Variants in CCDC146 observed in about 807,000 individuals in gnomAD.
CCDC146 encodes coiled-coil domain-containing protein 146.
Under a neutral mutation model 119.3 loss-of-function variants are expected in CCDC146, and 92 were observed. The observed-to-expected ratio is 0.77, with a 90% CI of 0.65 to 0.92. The LOEUF is 0.92. CCDC146 is among the 40% of genes least tolerant of loss of function. CCDC146 has a pLI of 0.00. For synonymous variants in CCDC146, 372 were observed against 371.8 expected (o/e 1.00, Z -0.01); for missense variants, 1,000 against 1,103.0 (o/e 0.91, Z 1.32).
At position 77,260,080 on chromosome 7, in the gene CCDC146, A is replaced by G; in HGVS notation, c.830A>G (p.Glu277Gly). ...CTAAATGACTCCCTAAAGAAAGTTG[A>G]AAACAAGGTTAGTGCTATAGTGGAT... ...KTLNDSLKKV[E>G]NKVSAIVDEK... The change falls in exon 8 of 19, where the codon GAA becomes GGA. Residue 277 changes from glutamate to glycine, a missense_variant. Physicochemically the swap from Glu to Gly is moderately conservative, Grantham distance 98. Coordinates refer to ENST00000285871, the MANE Select transcript of CCDC146 (RefSeq NM_020879.3). The G allele has an allele frequency of 1.9e-6, 3 of 1,613,954 alleles. No homozygotes were observed. The highest frequency in any genetic ancestry group is 1.7e-6 in the Non-Finnish European group (2 of 1,179,980).
At chr7:77,125,835 T>A (rs1017430130) in intron 1 of CCDC146, among the ~76,000 whole-genome samples, 3 of 152,154 alleles carry the variant, frequency 2.0e-5, no homozygotes, top group African/African-American at 7.2e-5. Context: ...AACTCAACAA[T>A]CTTAACTAAT....
At position 77,231,659 on chromosome 7, in the gene CCDC146, A is replaced by C. The variant is rs376364108; in HGVS notation, c.157-5288A>C. ...TGTAGCTCCTTAAAAATTTCTTCTT[A>C]CTGACAATCTCTATTTGATGCATTG... On this transcript the variant is annotated intron_variant, in intron 2 of 18. Transcript: ENST00000285871. Among the ~76,000 whole-genome samples the C allele has an allele frequency of 1.8e-4, 27 of 152,140 alleles. No homozygotes were observed. In the East Asian group the frequency reaches 4.8e-3, roughly 27 times the overall value.
At position 77,234,105 on chromosome 7, in the gene CCDC146, A is replaced by G. The variant is rs187105859; in HGVS notation, c.157-2842A>G. On this transcript the variant is annotated intron_variant, in intron 2 of 18. Transcript: ENST00000285871. The stretch of plus-strand genomic sequence containing the variant: ...TTACCTTACCCAGTAGTTTACCTTC[A>G]GAAAATGGCTGGTTAGCTAGTTACT... Among the ~76,000 whole-genome samples, 37 of 152,320 alleles carry G rather than the reference A, an allele frequency of 2.4e-4. 1 individual carries two copies. Among genetic ancestry groups the G allele is most frequent in the African/African-American group, 8.7e-4 (36 of 41,552 alleles).
chr7:77,268,260 T>C (rs528654812), intron 9 of CCDC146, among the ~76,000 whole-genome samples: 9 of 152,230 alleles, frequency 5.9e-5, no homozygotes, highest in Admixed American at 1.3e-4. Context: ...GTTCATGTTT[T>C]TGTCTATGTT....
At chr7:77,163,949 T>C (rs71559495) in intron 1 of CCDC146, among the ~76,000 whole-genome samples, 2 of 149,030 alleles carry the variant, frequency 1.3e-5, no homozygotes, top group Non-Finnish European at 3.0e-5. Context: ...AACCTCCACC[T>C]GCGGGGTTCA....
chr7:77,242,242 T>C (rs1792864092), intron 4 of CCDC146: 2 of 389,584 alleles, frequency 5.1e-6, no homozygotes, highest in Non-Finnish European at 8.2e-6. Flanking sequence ...CCCATGACTA[T>C]AGCAGTACCA....
intron 6 of CCDC146, 93 bp downstream of exon 6, chr7:77,256,602 G>A: frequency 3.0e-6 from 3 of 1,005,426 alleles, no homozygotes; most frequent in Non-Finnish European, 4.5e-6. Flanking sequence ...TGGATAAAGA[G>A]GGGTATTGTC....
At chr7:77,130,721 C>T (rs1420649583) in intron 1 of CCDC146, among the ~76,000 whole-genome samples, 1 of 149,410 alleles carries the variant, frequency 6.7e-6, no homozygotes, top group Non-Finnish European at 1.5e-5. Flanking sequence ...GCCTCAGCCT[C>T]CCGTGTAGCT....
intron 4 of CCDC146, among the ~76,000 whole-genome samples, chr7:77,252,825 C>T (rs1306076792): frequency 6.6e-6 from 1 of 152,244 alleles, no homozygotes; most frequent in East Asian, 1.9e-4. Context: ...CATGCAGCCA[C>T]GTCTGTCCTT....
At chr7:77,264,643 G>T (rs1460021649) in intron 9 of CCDC146, among the ~76,000 whole-genome samples, 3 of 152,178 alleles carry the variant, frequency 2.0e-5, no homozygotes, top group African/African-American at 7.2e-5. Context: ...AGTCTGATAA[G>T]TTCTGCCTTT....
chr7:77,271,054 A>G (rs75132757), intron 9 of CCDC146, among the ~76,000 whole-genome samples: 4 of 22,126 alleles, frequency 1.8e-4, no homozygotes, highest in East Asian at 7.7e-4. Flanking sequence ...CAGCTCTGGA[A>G]AAAAAAAAAA....
At chr7:77,287,354 G>A (rs561469676) in intron 16 of CCDC146, 86 bp from the exon 17 acceptor site, 3 of 1,392,344 alleles carry the variant, frequency 2.2e-6, no homozygotes, top group Non-Finnish European at 3.0e-6. Flanking sequence ...GTGGGGGGTA[G>A]GGGGAGATAC....
chr7:77,282,460 G>T, intron 14 of CCDC146, 97 bp from the exon 15 acceptor site: 1 of 721,518 alleles, frequency 1.4e-6, no homozygotes, highest in Admixed American at 2.7e-5. Context: ...ATGCTATGTT[G>T]TGTATATCTT....
chr7:77,292,344 G>A (rs1447832963), intron 17 of CCDC146, among the ~76,000 whole-genome samples: 5 of 142,144 alleles, frequency 3.5e-5, no homozygotes, highest in Non-Finnish European at 6.1e-5. Flanking sequence ...GGCCAGGCGC[G>A]GTGGCTCACG....
At chr7:77,189,542 C>G (rs955425088) in intron 2 of CCDC146, among the ~76,000 whole-genome samples, 2 of 152,166 alleles carry the variant, frequency 1.3e-5, no homozygotes, top group Non-Finnish European at 2.9e-5. Flanking sequence ...TTCCTCTGCT[C>G]AAAACCCTTA....
intron 4 of CCDC146, among the ~76,000 whole-genome samples, chr7:77,247,618 T>C (rs931739847): frequency 3.3e-5 from 5 of 152,016 alleles, no homozygotes; most frequent in African/African-American, 4.8e-5. Context: ...AATAACATAA[T>C]CCCATTAAAA....
intron 17 of CCDC146, among the ~76,000 whole-genome samples, chr7:77,292,527 G>A (rs1389616943): frequency 6.7e-6 from 1 of 150,280 alleles, no homozygotes; most frequent in East Asian, 2.0e-4. Flanking sequence ...TGAGGCAGGA[G>A]AATGGCGTGA....
At chr7:77,210,014 T>G (rs562101621) in intron 2 of CCDC146, among the ~76,000 whole-genome samples, 1 of 152,318 alleles carries the variant, frequency 6.6e-6, no homozygotes, top group Admixed American at 6.5e-5. Flanking sequence ...AAAATGCCCT[T>G]GGAGACATTT....
At chr7:77,201,002 CTA>C (rs1362389115) in intron 2 of CCDC146, among the ~76,000 whole-genome samples, 2 of 152,148 alleles carry the variant, frequency 1.3e-5, no homozygotes, top group East Asian at 3.8e-4. Context: ...ACCTGATTTC[CTA>C]TGACTTTTCT....
Sources: gnomAD v4.1 joint callset for allele counts (sites outside exome capture counted in the v4.1 genomes callset) on GRCh38, gnomAD v4.1.1 for gene constraint, MANE v1.5 for transcripts, NCBI Gene and HGNC (gene_info 2026-07-23, HGNC 2026-07-21) for gene names.